Variants in DMXL2 observed in about 807,000 individuals in gnomAD.
DMXL2 encodes the protein dmX-like protein 2.
In DMXL2, 103 loss-of-function variants were observed where a neutral mutation model predicts 331.1. That is an observed-to-expected ratio of 0.31 (90% CI 0.27 to 0.37). DMXL2 has a LOEUF of 0.37. Among genes scored for constraint, DMXL2 ranks in the 10% least tolerant of loss-of-function variants. The pLI, the probability that DMXL2 is intolerant of heterozygous loss-of-function variation, is 1.00. For synonymous variants in DMXL2, 1,281 were observed against 1,252.1 expected, an observed-to-expected ratio of 1.02 and a Z score of -0.49; for missense variants, 3,171 against 3,642.9, an observed-to-expected ratio of 0.87 and a Z score of 3.33.
At chr15:51,617,899 G>A (rs1326765701) in intron 1 of DMXL2, among the ~76,000 whole-genome samples, 1 of 152,060 alleles carries the variant, frequency 6.6e-6, no homozygotes, top group Non-Finnish European at 1.5e-5. Flanking sequence ...ATCTACGCAG[G>A]GACATAAGAA....
intron 15 of DMXL2, among the ~76,000 whole-genome samples, chr15:51,510,619 A>G (rs912762223): frequency 1.3e-5 from 2 of 152,254 alleles, no homozygotes; most frequent in African/African-American, 4.8e-5. Flanking sequence ...CATACTGCCC[A>G]AAGTAATTTA....
Position 51,486,187 on chromosome 15 carries a change from T to G in DMXL2, c.5368A>C (p.Arg1790=). 6.2e-7 allele frequency: 1 copy of G among 1,614,104 alleles called. No homozygotes were observed. Among genetic ancestry groups the G allele is most frequent in the Non-Finnish European group, 8.5e-7 (1 of 1,179,982 alleles). ...CGCAGGAAAGGATCAGGATGTAATC[T>G]TTTGCAACTGAATCCTGAGCCATCC... is the stretch of plus-strand genomic sequence containing the variant. The part of the protein sequence containing the change: ...QKDGSGFSCK[R]LHPDPFLRSL... The change falls in exon 23 of 44, where the codon AGA becomes CGA. Residue 1790 remains arginine, a synonymous_variant. Coordinates refer to ENST00000560891, the MANE Select transcript of DMXL2 (RefSeq NM_001378457.1).
chr15:51,483,784 T>C (rs1485906809), intron 23 of DMXL2, among the ~76,000 whole-genome samples: 1 of 151,616 alleles, frequency 6.6e-6, no homozygotes, highest in African/African-American at 2.4e-5. Flanking sequence ...AAGAGCCCAC[T>C]TCCACGGCCC....
intron 6 of DMXL2, among the ~76,000 whole-genome samples, chr15:51,548,159 T>G (rs1373127533): frequency 6.9e-6 from 1 of 144,132 alleles, no homozygotes; most frequent in Non-Finnish European, 1.6e-5. Flanking sequence ...AACTGTATTT[T>G]AACAGAAACT....
chr15:51,528,064 T>C (rs1215810054), intron 13 of DMXL2, among the ~76,000 whole-genome samples: 1 of 151,202 alleles, frequency 6.6e-6, no homozygotes. Flanking sequence ...CATGGTAACC[T>C]CAAATTAGAA....
chr15:51,566,416 C>G (rs1312261553), intron 3 of DMXL2, among the ~76,000 whole-genome samples: 1 of 152,166 alleles, frequency 6.6e-6, no homozygotes, highest in Non-Finnish European at 1.5e-5. Flanking sequence ...TTCAACAAAT[C>G]TATTTTAGTG....
intron 33 of DMXL2, chr15:51,460,497 G>T: frequency 2.4e-6 from 1 of 410,030 alleles, no homozygotes; most frequent in Non-Finnish European, 3.3e-6. Context: ...TCACCAATCT[G>T]TTTCCCAAAA....
At chr15:51,524,660 A>G (rs1004268948) in intron 13 of DMXL2, among the ~76,000 whole-genome samples, 3 of 152,172 alleles carry the variant, frequency 2.0e-5, no homozygotes, top group Non-Finnish European at 4.4e-5. Context: ...TAGCAGAAAG[A>G]AAAACCAGAC....
At chr15:51,528,454 T>A (rs917290362) in intron 13 of DMXL2, among the ~76,000 whole-genome samples, 18 of 152,004 alleles carry the variant, frequency 1.2e-4, no homozygotes, top group African/African-American at 4.3e-4. Flanking sequence ...TATACTGATA[T>A]CAGTATCATT....
chr15:51,507,083 A>G (rs568506676), intron 16 of DMXL2, 51 bp downstream of exon 16: 3 of 1,376,102 alleles, frequency 2.2e-6, no homozygotes, highest in Non-Finnish European at 1.9e-6. Flanking sequence ...AGCATATTCT[A>G]TAAAATAAAT....
rs781036932 is a variant in DMXL2, at chr15:51,449,100, G to A, written c.9061C>T (p.Gln3021Ter). 6.2e-7 allele frequency: 1 copy of A among 1,614,188 alleles called. No homozygotes were observed. Among genetic ancestry groups the A allele is most frequent in the South Asian group, 1.1e-5 (1 of 91,084 alleles). The stretch of plus-strand genomic sequence containing the variant: ...CGATTGCCCTGGATGATGTCAATCT[G>A]CATGACTCCAGCCCCAATGTTTCGA... ...IFRNIGAGVM[Q>*]IDIIQGNRLF... Residue 3021 changes from glutamine (Q) to a stop codon, truncating the protein, a stop_gained, in exon 44 of 44, where the codon CAG (glutamine) becomes TAG (stop). Transcript: ENST00000560891. LOFTEE classifies it high-confidence loss of function.
intron 1 of DMXL2, among the ~76,000 whole-genome samples, chr15:51,580,379 G>A (rs970611587): frequency 6.6e-6 from 1 of 152,172 alleles, no homozygotes; most frequent in African/African-American, 2.4e-5. Context: ...AGCTAAGTTA[G>A]TAAAGTTAGT....
chr15:51,466,268 T>A lies in DMXL2; in HGVS notation c.7436A>T (p.Asp2479Val). 1 of 1,555,558 alleles carries A rather than the reference T, an allele frequency of 6.4e-7. No homozygotes were observed. Among genetic ancestry groups the A allele is most frequent in the Non-Finnish European group, 8.7e-7 (1 of 1,152,416 alleles). The change falls in exon 30 of 44, where the codon GAT (aspartate) becomes GTT (valine). Residue 2479 changes from aspartate (D) to valine (V), a missense_variant. This residue lies in a region of DMXL2 where 766 missense variants were observed against 940.5 expected (regional missense o/e 0.81). Coordinates refer to ENST00000560891, the MANE Select transcript of DMXL2 (RefSeq NM_001378457.1). ...TTCTTCATCACTATGAATGCTTTCA[T>A]CAGAATCATATATAACACCACTATC... ...LSDSGVIYDS[D>V]ESIHSDEEDD... is the part of the protein sequence containing the mutation.
At chr15:51,514,819 C>A (rs1321174430) in intron 14 of DMXL2, among the ~76,000 whole-genome samples, 13 of 116,868 alleles carry the variant, frequency 1.1e-4, no homozygotes, top group Admixed American at 4.4e-4. Context: ...AGGTTTGCTT[C>A]TCAGGAAAAA....
At chr15:51,476,838 C>T in intron 26 of DMXL2, 119 bp from the exon 27 acceptor site, 1 of 689,080 alleles carries the variant, frequency 1.5e-6, no homozygotes, top group Non-Finnish European at 2.2e-6. Flanking sequence ...AATGCATTCA[C>T]TGTTCTAATA....
intron 13 of DMXL2, among the ~76,000 whole-genome samples, chr15:51,523,249 G>A (rs1005011462): frequency 1.3e-5 from 2 of 152,186 alleles, no homozygotes; most frequent in African/African-American, 4.8e-5. Flanking sequence ...GTGACAGAAA[G>A]TAGTCATGTC....
intron 1 of DMXL2, among the ~76,000 whole-genome samples, chr15:51,607,241 G>A (rs1482566733): frequency 6.6e-6 from 1 of 151,906 alleles, no homozygotes; most frequent in Non-Finnish European, 1.5e-5. Flanking sequence ...CGGATCACAA[G>A]GTCAGGAAAT....
chr15:51,480,417 A>AAG, intron 24 of DMXL2, 125 bp downstream of exon 24: 1 of 1,212,056 alleles, frequency 8.3e-7, no homozygotes, highest in Non-Finnish European at 1.1e-6. Context: ...GCCTCCTATA[A>AAG]AGAGAGGAGC....
intron 13 of DMXL2, among the ~76,000 whole-genome samples, chr15:51,520,420 G>C (rs1430123896): frequency 6.6e-6 from 1 of 152,140 alleles, no homozygotes; most frequent in Non-Finnish European, 1.5e-5. Context: ...TAAACATTTT[G>C]TTTTATTTTA....
Sources: gnomAD v4.1 joint callset for allele counts (sites outside exome capture counted in the v4.1 genomes callset) on GRCh38, gnomAD v4.1.1 for gene constraint, gnomAD v4.1.1 regional missense constraint, MANE v1.5 for transcripts, NCBI Gene and HGNC (gene_info 2026-07-23, HGNC 2026-07-21) for gene names.